URI1: variants seen among roughly 807,000 people sequenced by gnomAD.
URI1 encodes unconventional prefoldin RPB5 interactor 1.
A neutral mutation model predicts 60.2 loss-of-function variants in URI1; 39 were observed. The ratio of observed to expected loss-of-function variants is 0.65; its 90% CI spans 0.50 to 0.85. URI1 has a LOEUF of 0.85. URI1 is among the 40% of genes least tolerant of loss of function. The pLI is 0.00. For missense variants in URI1, 691 were observed against 665.9 expected (o/e 1.04, Z -0.42); for synonymous variants, 251 against 236.8 (o/e 1.06, Z -0.55).
intron 1 of URI1, among the ~76,000 whole-genome samples, chr19:29,931,707 A>G (rs923611321): frequency 2.0e-5 from 3 of 152,150 alleles, no homozygotes; most frequent in Admixed American, 6.5e-5. Flanking sequence ...GTAGTTTTCG[A>G]TGTACAAACT....
intron 4 of URI1, among the ~76,000 whole-genome samples, chr19:29,988,447 G>A (rs2055701221): frequency 6.6e-6 from 1 of 152,140 alleles, no homozygotes; most frequent in African/African-American, 2.4e-5. Flanking sequence ...CTGCTCTCAG[G>A]ACTCAGCTCC....
At chr19:29,966,480 C>T (rs780493920) in intron 1 of URI1, among the ~76,000 whole-genome samples, 5 of 152,090 alleles carry the variant, frequency 3.3e-5, no homozygotes, top group Non-Finnish European at 5.9e-5. Context: ...TACAGTTTAT[C>T]CCAGTGCTTA....
intron 4 of URI1, 49 bp downstream of exon 4, chr19:29,986,466 C>A: frequency 6.4e-7 from 1 of 1,571,298 alleles, no homozygotes; most frequent in South Asian, 1.2e-5. Flanking sequence ...TGTATCCATT[C>A]ACAGATTGCC....
chr19:29,935,523 C>T (rs1439961765), intron 1 of URI1, among the ~76,000 whole-genome samples: 3 of 151,854 alleles, frequency 2.0e-5, no homozygotes, highest in Non-Finnish European at 4.4e-5. Context: ...CTCATCATGG[C>T]TTTGAATTAC....
intron 2 of URI1, among the ~76,000 whole-genome samples, chr19:29,973,200 A>G (rs1342482289): frequency 5.3e-5 from 8 of 152,072 alleles, no homozygotes; most frequent in Non-Finnish European, 1.0e-4. Context: ...TTGAGTTTCT[A>G]CCATATGCCA....
intron 1 of URI1, among the ~76,000 whole-genome samples, chr19:29,952,393 TTTGTTCTTA>T (rs1179469754): frequency 6.6e-6 from 1 of 152,244 alleles, no homozygotes; most frequent in Non-Finnish European, 1.5e-5. Context: ...CTATTTCCTT[TTTGTTCTTA>T]CAAGTATAGT....
intron 4 of URI1, 99 bp from the exon 5 acceptor site, chr19:30,005,262 G>A (rs534851823): frequency 4.5e-6 from 3 of 660,896 alleles, no homozygotes; most frequent in East Asian, 2.9e-5. Context: ...AAGCATTACT[G>A]TTAAATCATA....
At chr19:29,966,772 A>G (rs1188071264) in intron 1 of URI1, among the ~76,000 whole-genome samples, 2 of 152,336 alleles carry the variant, frequency 1.3e-5, no homozygotes, top group Non-Finnish European at 2.9e-5. Context: ...AAATAGTAAG[A>G]TCTGTCTTGA....
At chr19:29,980,637 A>AAG (rs1205260485) in intron 2 of URI1, among the ~76,000 whole-genome samples, 3 of 148,482 alleles carry the variant, frequency 2.0e-5, no homozygotes, top group Non-Finnish European at 4.5e-5. Context: ...AAAAAAAAAA[A>AAG]AACTGGGCCA....
In URI1 at chr19:29,942,277, G is replaced by A. The variant is rs1055664797; in HGVS notation, c.-271G>A. The A allele has an allele frequency of 2.0e-6, 2 of 985,146 alleles. No homozygotes were observed. The highest frequency in any genetic ancestry group is 1.7e-5 in the African/African-American group (1 of 57,252). The allele number at this position is 985,146 out of a possible 1,614,324, so 61.0% of individuals were successfully genotyped here. A position where few individuals can be genotyped will look rare whatever the true frequency, so the allele number is the denominator to read the frequency against. ...CGGCCGCCACGCGACGCCTGGCTGG[G>A]CCCGCACCGGAGAGGCGTCTCGGTA... On this transcript the variant is annotated 5_prime_UTR_variant, in exon 1 of 11. Coordinates refer to ENST00000392271, the MANE Select transcript of URI1 (RefSeq NM_003796.3).
rs1043876 is a variant in URI1, at chr19:30,012,406, A to G, written c.1300A>G (p.Arg434Gly). 2.5e-6 allele frequency: 4 copies of G among 1,614,178 alleles called. No individual in the cohort carries two copies. Among genetic ancestry groups the G allele is most frequent in the Non-Finnish European group, 3.4e-6 (4 of 1,180,034 alleles). ...AAGCAGTGCTGCTGAATTTGATGAT[A>G]GGCGGGGAGTTTTGAGGAGTATCAG... ...SESSAAEFDD[R>G]RGVLRSISCE... Residue 434 changes from arginine (R) to glycine (G), a missense_variant, in exon 10 of 11, where the codon AGG becomes GGG. By Grantham distance (125) the Arg-to-Gly change is moderately radical. Transcript: ENST00000392271.
At chr19:29,997,354 C>A (rs1468116356) in intron 4 of URI1, among the ~76,000 whole-genome samples, 1 of 152,078 alleles carries the variant, frequency 6.6e-6, no homozygotes, top group Non-Finnish European at 1.5e-5. Flanking sequence ...TGTACTATTT[C>A]TGTATAATCC....
In URI1 at chr19:30,008,952, A is replaced by G; in HGVS notation, c.687-53A>G. The stretch of plus-strand genomic sequence containing the variant: ...ATGGAAACTAACTGGAAATTTAAAT[A>G]ATGTAAAATTCTAGTATGTTTGTTT... On this transcript the variant is annotated intron_variant, in intron 7 of 10. Coordinates refer to ENST00000392271, the MANE Select transcript of URI1 (RefSeq NM_003796.3). 1.2e-5 allele frequency: 16 copies of G among 1,343,386 alleles called. No homozygotes were observed. In the South Asian group the frequency reaches 2.5e-4, roughly 21 times the overall value. 83.2% of individuals were successfully genotyped at this position (1,343,386 alleles called of 1,614,324 possible).
chr19:29,982,817 A>G (rs907929793), intron 2 of URI1, among the ~76,000 whole-genome samples: 2 of 152,184 alleles, frequency 1.3e-5, no homozygotes, highest in Non-Finnish European at 2.9e-5. Flanking sequence ...GAAAAAAATG[A>G]GTTTTGAGTT....
At chr19:29,984,840 G>T (rs2055642561) in intron 2 of URI1, among the ~76,000 whole-genome samples, 1 of 151,984 alleles carries the variant, frequency 6.6e-6, no homozygotes, top group African/African-American at 2.4e-5. Context: ...TTTTGAGTGA[G>T]GCCAGGTGCA....
At chr19:29,937,193 G>T (rs1027956217) in intron 1 of URI1, among the ~76,000 whole-genome samples, 1 of 152,150 alleles carries the variant, frequency 6.6e-6, no homozygotes, top group African/African-American at 2.4e-5. Context: ...TCAAGCTATT[G>T]TACTTTTCGG....
chr19:30,007,601 C>A lies in URI1; in HGVS notation c.649C>A (p.Leu217Ile). 6.2e-7 allele frequency: 1 copy of A among 1,611,206 alleles called. No individual in the cohort carries two copies. Among genetic ancestry groups the A allele is most frequent in the Non-Finnish European group, 8.5e-7 (1 of 1,178,666 alleles). The part of the protein sequence containing the change: ...DKELWARLEE[L>I]ERQEELLGEL... Reference sequence around the variant, plus strand: ...AGAACTGTGGGCTCGACTTGAAGAACTAGAGAGACAGGAAGAATTGCTGGG... The same window carrying A: ...AGAACTGTGGGCTCGACTTGAAGAAATAGAGAGACAGGAAGAATTGCTGGG... Residue 217 changes from leucine to isoleucine, a missense_variant, in exon 7 of 11, where the codon CTA (leucine) becomes ATA (isoleucine). Coordinates refer to ENST00000392271, the MANE Select transcript of URI1 (RefSeq NM_003796.3).
chr19:29,939,431 C>T (rs570266823), upstream of URI1, among the ~76,000 whole-genome samples: 1 of 151,960 alleles, frequency 6.6e-6, no homozygotes, highest in Non-Finnish European at 1.5e-5. Flanking sequence ...TGTGCCACCA[C>T]GGCGGCTAAT....
At chr19:30,011,020 AGAGTTT>A (rs1464892155) in intron 8 of URI1, 68 bp from the exon 9 acceptor site, 2 of 1,490,172 alleles carry the variant, frequency 1.3e-6, no homozygotes, top group Admixed American at 4.4e-5. Context: ...TTTTAGTTAT[AGAGTTT>A]ATTTGTTTTG....
Sources: allele counts gnomAD v4.1 joint callset (sites outside exome capture counted in the v4.1 genomes callset), GRCh38; gene constraint gnomAD v4.1.1; transcripts MANE v1.5; gene names NCBI Gene and HGNC (gene_info 2026-07-23, HGNC 2026-07-21).